Variants in AFAP1 observed in about 807,000 individuals in gnomAD.
AFAP1 encodes the protein actin filament-associated protein 1.
Under a neutral mutation model 93.9 loss-of-function variants are expected in AFAP1, and 75 were observed. The observed-to-expected ratio is 0.80, with a 90% confidence interval of 0.66 to 0.97. AFAP1 has a LOEUF of 0.97. Among genes scored for constraint, AFAP1 ranks in the 50% least tolerant of loss-of-function variants. The pLI, the probability that AFAP1 is intolerant of heterozygous loss-of-function variation, is 0.00. For synonymous variants in AFAP1, 517 were observed against 430.7 expected, an observed-to-expected ratio of 1.20 and a Z score of -2.48; for missense variants, 1,201 against 1,050.8, an observed-to-expected ratio of 1.14 and a Z score of -1.98.
chr4:7,768,251 G>A lies in AFAP1; in HGVS notation c.2418+593C>T, dbSNP rs148112018. On this transcript the variant is annotated intron_variant, in intron 17 of 17. Transcript: ENST00000420658. ...CTTTCCGCTGCTGCCGCCAGGACCC[G>A]TTTGCTTTGATCAACTACTGTGTTT... Among the ~76,000 whole-genome samples the A allele has an allele frequency of 5.3e-5, 8 of 152,346 alleles. No individual in the cohort carries two copies. The East Asian group carries it at 1.2e-3, about 22-fold the overall frequency.
intron 14 of AFAP1, chr4:7,777,583 G>A (rs1001748355): frequency 1.3e-5 from 2 of 152,200 alleles, no homozygotes. Context: ...TGGTGTGGGG[G>A]TTACCACCTG....
In AFAP1 at chr4:7,871,975, A is replaced by T; in HGVS notation, c.104T>A (p.Leu35Gln). ...ACCTTTGGATGACTGTATTCTTAGCAGAATGTTGGTTATCACTGCCTTTTT... is the reference window on the plus strand; with the variant it reads ...ACCTTTGGATGACTGTATTCTTAGCTGAATGTTGGTTATCACTGCCTTTTT... Reference protein sequence around the residue: ...REKKAVITNILLRIQSSKGFD... With the variant: ...REKKAVITNIQLRIQSSKGFD... Residue 35 changes from leucine to glutamine, a missense_variant, in exon 2 of 18, where the codon CTG becomes CAG. Transcript: ENST00000420658. 6.2e-7 allele frequency: 1 copy of T among 1,614,244 alleles called. No homozygotes were observed. Among genetic ancestry groups the T allele is most frequent in the Non-Finnish European group, 8.5e-7 (1 of 1,180,046 alleles).
At chr4:7,893,093 G>C (rs111933401) in intron 1 of AFAP1, among the ~76,000 whole-genome samples, 11,226 of 152,234 alleles carry the variant, frequency 0.074, 459 homozygotes, top group Non-Finnish European at 0.09. Context: ...CCGGTGCCGG[G>C]GGGGCAGAAA....
intron 16 of AFAP1, among the ~76,000 whole-genome samples, chr4:7,769,649 G>GA (rs142648546): frequency 0.22 from 33,006 of 151,852 alleles, 4,388 homozygotes; most frequent in African/African-American, 0.38. Flanking sequence ...CTCTCTGGGG[G>GA]GAAAAAAACG....
At chr4:7,888,244 T>C (rs1468606013) in intron 1 of AFAP1, among the ~76,000 whole-genome samples, 3 of 152,246 alleles carry the variant, frequency 2.0e-5, no homozygotes, top group Admixed American at 6.5e-5. Context: ...AGAAAGGACA[T>C]TATGATTCAC....
intron 2 of AFAP1, among the ~76,000 whole-genome samples, chr4:7,871,254 G>T (rs1717011088): frequency 6.6e-6 from 1 of 152,186 alleles, no homozygotes; most frequent in African/African-American, 2.4e-5. Flanking sequence ...GGCCCTGGCT[G>T]GCCTCTGGGA....
At chr4:7,780,333 C>A (rs1303247331) in intron 13 of AFAP1, among the ~76,000 whole-genome samples, 1 of 152,182 alleles carries the variant, frequency 6.6e-6, no homozygotes, top group Non-Finnish European at 1.5e-5. Context: ...TGAAGCCGAC[C>A]TATTGGGAGC....
At chr4:7,936,582 A>T (rs1032682044) in intron 1 of AFAP1, among the ~76,000 whole-genome samples, 1 of 135,540 alleles carries the variant, frequency 7.4e-6, no homozygotes, top group African/African-American at 2.8e-5. Context: ...ACAAGCGGTA[A>T]TTTTTTTTTT....
At chr4:7,923,914 T>TAA (rs1720572120) in intron 1 of AFAP1, among the ~76,000 whole-genome samples, 1 of 152,158 alleles carries the variant, frequency 6.6e-6, no homozygotes, top group Non-Finnish European at 1.5e-5. Flanking sequence ...GGGGGAGACA[T>TAA]AAACATTCAG....
rs190638558 is a variant in AFAP1 at position 7,868,164 on chromosome 4, T to C, written c.225+458A>G. Among the ~76,000 whole-genome samples the C allele has an allele frequency of 1.3e-3, 196 of 152,236 alleles. 1 individual carries two copies. The highest frequency in any genetic ancestry group is 6.8e-3 in the Middle Eastern group (2 of 294). On this transcript the variant is annotated intron_variant, in intron 3 of 17. Transcript: ENST00000420658. ...CATTCCCGAAATATGTACATATTTT[T>C]CTCTCTTGGAAACAATATGGATAGT...
At chr4:7,935,569 C>G (rs1444190607) in intron 1 of AFAP1, among the ~76,000 whole-genome samples, 1 of 152,142 alleles carries the variant, frequency 6.6e-6, no homozygotes, top group African/African-American at 2.4e-5. Flanking sequence ...TCTAAGAAAA[C>G]TTCATCTCTG....
In AFAP1 at chr4:7,843,225, C is replaced by T. The variant is rs1371979218; in HGVS notation, c.460G>A (p.Ala154Thr). 3.1e-6 allele frequency: 5 copies of T among 1,614,046 alleles called. No individual in the cohort carries two copies. The highest frequency in any genetic ancestry group is 3.3e-5 in the Admixed American group (2 of 60,004). The change falls in exon 5 of 18, where the codon GCC becomes ACC. Residue 154 changes from alanine to threonine, a missense_variant. Coordinates refer to ENST00000420658, the MANE Select transcript of AFAP1 (RefSeq NM_001134647.2). The stretch of plus-strand genomic sequence containing the variant: ...CGCAGCAGGAAGGCGCAGATTTTGG[C>T]GTCCTTGACCAGGTCCATGGAGGCC... ...EEASMDLVKD[A>T]KICAFLLRKK...
intron 1 of AFAP1, among the ~76,000 whole-genome samples, chr4:7,901,501 C>T (rs1719115107): frequency 6.6e-6 from 1 of 152,238 alleles, no homozygotes; most frequent in South Asian, 2.1e-4. Context: ...GTGGGGACAG[C>T]AGCCCCTGCA....
chr4:7,899,158 T>C (rs1175255963), intron 1 of AFAP1, among the ~76,000 whole-genome samples: 6 of 152,072 alleles, frequency 3.9e-5, no homozygotes, highest in African/African-American at 1.4e-4. Context: ...GATGCATTGG[T>C]ATGGAACATG....
At chr4:7,857,918 A>G (rs992250350) in intron 3 of AFAP1, among the ~76,000 whole-genome samples, 1 of 152,194 alleles carries the variant, frequency 6.6e-6, no homozygotes, top group African/African-American at 2.4e-5. Flanking sequence ...TGTACTTGGC[A>G]CAACCTTTTG....
At chr4:7,847,639 T>A (rs866709114) in intron 4 of AFAP1, among the ~76,000 whole-genome samples, 7 of 152,176 alleles carry the variant, frequency 4.6e-5, no homozygotes, top group Non-Finnish European at 1.0e-4. Context: ...GGGTTTTGGA[T>A]TACATTAAGA....
At chr4:7,787,699 C>G (rs1717433824) in intron 11 of AFAP1, among the ~76,000 whole-genome samples, 1 of 152,168 alleles carries the variant, frequency 6.6e-6, no homozygotes, top group South Asian at 2.1e-4. Context: ...CGGCTCACTC[C>G]CCTTCAAGGA....
At chr4:7,924,158 T>G (rs920781938) in intron 1 of AFAP1, among the ~76,000 whole-genome samples, 2 of 152,180 alleles carry the variant, frequency 1.3e-5, no homozygotes, top group Non-Finnish European at 2.9e-5. Context: ...GAATACTGCT[T>G]TCTATTCCTG....
At chr4:7,890,132 T>C (rs766800548) in intron 1 of AFAP1, among the ~76,000 whole-genome samples, 60 of 152,104 alleles carry the variant, frequency 3.9e-4, no homozygotes, top group Non-Finnish European at 6.9e-4. Flanking sequence ...TTCTATTACC[T>C]AGCTTCAAGG....
Sources: gnomAD v4.1 joint callset for allele counts (sites outside exome capture counted in the v4.1 genomes callset) on GRCh38, gnomAD v4.1.1 for gene constraint, MANE v1.5 for transcripts, NCBI Gene and HGNC (gene_info 2026-07-23, HGNC 2026-07-21) for gene names.